The following CNTNAP5 variants were observed in gnomAD, a reference collection of about 807,000 sequenced individuals.
CNTNAP5 encodes contactin-associated protein-like 5.
A neutral mutation model predicts 150.2 loss-of-function variants in CNTNAP5; 72 were observed. That is an observed-to-expected ratio of 0.48 (90% CI 0.40 to 0.58). The LOEUF (loss-of-function observed/expected upper bound fraction) is 0.58, where lower values mean the gene tolerates loss of function less well. Ranked by LOEUF, CNTNAP5 falls within the 20% of genes least tolerant of loss-of-function variation. CNTNAP5 has a pLI of 0.00. For synonymous variants in CNTNAP5, 672 were observed against 619.8 expected (o/e 1.08, Z -1.25); for missense variants, 1,636 against 1,626.2 (o/e 1.01, Z -0.10).
intron 1 of CNTNAP5, among the ~76,000 whole-genome samples, chr2:124,085,691 T>C (rs934369634): frequency 5.3e-5 from 8 of 152,220 alleles, no homozygotes; most frequent in African/African-American, 1.9e-4. Flanking sequence ...CAAATTTTAA[T>C]AGGTTGTATC....
chr2:124,518,030 G>A (rs1378944870), intron 8 of CNTNAP5, among the ~76,000 whole-genome samples: 1 of 151,924 alleles, frequency 6.6e-6, no homozygotes, highest in Admixed American at 6.6e-5. Flanking sequence ...CAGGCGTGCT[G>A]CTACACATCT....
chr2:124,871,748 G>A (rs1677753321), intron 21 of CNTNAP5, among the ~76,000 whole-genome samples: 1 of 151,884 alleles, frequency 6.6e-6, no homozygotes, highest in Non-Finnish European at 1.5e-5. Context: ...TTTCTTTGAT[G>A]TTTTGCAGTT....
At chr2:124,718,943 TA>T (rs35290858) in intron 13 of CNTNAP5, among the ~76,000 whole-genome samples, 2,554 of 138,222 alleles carry the variant, frequency 0.018, 43 homozygotes, top group African/African-American at 0.046. Flanking sequence ...AGACTCCATC[TA>T]AAAAAAAAAA....
At position 124,242,384 on chromosome 2, in the gene CNTNAP5, C is replaced by A; in HGVS notation, c.372C>A (p.Asp124Glu). The change falls in exon 3 of 24, where the codon GAC becomes GAA. Residue 124 changes from aspartate to glutamate, a missense_variant. By Grantham distance (45) the Asp-to-Glu change is conservative. Transcript: ENST00000682447. The part of the protein sequence containing the change: ...GRNWKQYKQE[D>E]SIWTFAGNMN... ...ACTGGAAACAGTACAAACAAGAAGA[C>A]AGCATCTGGGTAGGACATCTTTTTC... 1.2e-6 allele frequency: 2 copies of A among 1,612,644 alleles called. No homozygotes were observed. Among genetic ancestry groups the A allele is most frequent in the Non-Finnish European group, 1.7e-6 (2 of 1,179,310 alleles).
chr2:124,051,349 T>C (rs1681690493), intron 1 of CNTNAP5, among the ~76,000 whole-genome samples: 1 of 152,230 alleles, frequency 6.6e-6, no homozygotes, highest in Non-Finnish European at 1.5e-5. Context: ...TGAGAAGGTC[T>C]GCACTTGTTT....
rs997543721 is a variant in CNTNAP5 at position 124,451,444 on chromosome 2, A to T, written c.918+4507A>T. On this transcript the variant is annotated intron_variant, in intron 6 of 23. Coordinates refer to ENST00000682447, the MANE Select transcript of CNTNAP5 (RefSeq NM_001367498.1). ...TTTCGTCTATGTAAAATTTTTTAAA[A>T]CCATGTGACTGTTCACCAAAAAAAT... Among the ~76,000 whole-genome samples the T allele has an allele frequency of 1.5e-4, 23 of 152,034 alleles. 1 individual carries two copies. Among genetic ancestry groups the T allele is most frequent in the African/African-American group, 4.8e-4 (20 of 41,358 alleles).
At chr2:124,174,192 G>C (rs542759467) in intron 1 of CNTNAP5, among the ~76,000 whole-genome samples, 1 of 151,714 alleles carries the variant, frequency 6.6e-6, no homozygotes, top group African/African-American at 2.4e-5. Context: ...TGATAAAAAT[G>C]TTCAAGGAAG....
chr2:124,846,025 G>A lies in CNTNAP5; in HGVS notation c.3218-19281G>A, dbSNP rs967574956. On this transcript the variant is annotated intron_variant, in intron 19 of 23. Transcript: ENST00000682447. ...TTCATTCAGTTCTACTCTGATCTTT[G>A]TTATTTCTTTTCTTCTGCTGGCTTT... Among the ~76,000 whole-genome samples the A allele has an allele frequency of 2.0e-5, 3 of 150,376 alleles. No individual in the cohort carries two copies. The South Asian group carries it at 6.3e-4, about 32-fold the overall frequency.
intron 3 of CNTNAP5, among the ~76,000 whole-genome samples, chr2:124,383,594 A>G (rs1334079006): frequency 6.6e-6 from 1 of 152,176 alleles, no homozygotes; most frequent in Non-Finnish European, 1.5e-5. Context: ...AACTTGAACT[A>G]CAAGTAAACT....
At chr2:124,169,637 A>G (rs1363021404) in intron 1 of CNTNAP5, among the ~76,000 whole-genome samples, 3 of 152,078 alleles carry the variant, frequency 2.0e-5, no homozygotes, top group Non-Finnish European at 4.4e-5. Context: ...AGATTGAAGA[A>G]CCCTATCCTG....
At chr2:124,355,668 T>G (rs1689980263) in intron 3 of CNTNAP5, among the ~76,000 whole-genome samples, 1 of 152,126 alleles carries the variant, frequency 6.6e-6, no homozygotes, top group African/African-American at 2.4e-5. Context: ...CTTTCAGGAG[T>G]GAGCTCAAAG....
chr2:124,646,732 A>G (rs1054613138), intron 12 of CNTNAP5, among the ~76,000 whole-genome samples: 1 of 152,176 alleles, frequency 6.6e-6, no homozygotes, highest in African/African-American at 2.4e-5. Context: ...TTTCCATATT[A>G]CCAGTGCTAC....
At chr2:124,620,772 C>A (rs62171271) in intron 12 of CNTNAP5, among the ~76,000 whole-genome samples, 4 of 139,368 alleles carry the variant, frequency 2.9e-5, no homozygotes, top group African/African-American at 1.0e-4. Flanking sequence ...CACACACACA[C>A]ACATATATAT....
intron 13 of CNTNAP5, among the ~76,000 whole-genome samples, chr2:124,724,347 C>A (rs1461927069): frequency 6.6e-6 from 1 of 151,788 alleles, no homozygotes; most frequent in Non-Finnish European, 1.5e-5. Context: ...AGGTGAAGGA[C>A]CATGGAGGTT....
chr2:124,338,021 T>C (rs1573925471), intron 3 of CNTNAP5, among the ~76,000 whole-genome samples: 1 of 152,210 alleles, frequency 6.6e-6, no homozygotes, highest in East Asian at 1.9e-4. Context: ...TTCCATTTGT[T>C]TGTATCCTCT....
chr2:124,071,158 A>G (rs1682293861), intron 1 of CNTNAP5, among the ~76,000 whole-genome samples: 1 of 151,978 alleles, frequency 6.6e-6, no homozygotes, highest in Admixed American at 6.6e-5. Context: ...TAATGAATAC[A>G]CAGCATATCA....
chr2:124,419,075 A>G (rs1473889090), intron 4 of CNTNAP5, among the ~76,000 whole-genome samples: 1 of 133,996 alleles, frequency 7.5e-6, no homozygotes, highest in African/African-American at 2.7e-5. Flanking sequence ...CGGAGCTTGC[A>G]GTGAGCCGAG....
At chr2:124,904,697 C>T (rs910262953) in intron 22 of CNTNAP5, among the ~76,000 whole-genome samples, 13 of 152,072 alleles carry the variant, frequency 8.5e-5, no homozygotes, top group African/African-American at 2.7e-4. Flanking sequence ...AGAATTGGAC[C>T]TTTATCTTAT....
chr2:124,274,143 CTTTG>C (rs1337905151), intron 3 of CNTNAP5, among the ~76,000 whole-genome samples: 2 of 151,744 alleles, frequency 1.3e-5, no homozygotes, highest in Admixed American at 1.3e-4. Context: ...TTTTGTTTTG[CTTTG>C]TTTTTGTATT....
Sources: gnomAD v4.1 joint callset for allele counts (sites outside exome capture counted in the v4.1 genomes callset) on GRCh38, gnomAD v4.1.1 for gene constraint, MANE v1.5 for transcripts, NCBI Gene and HGNC (gene_info 2026-07-23, HGNC 2026-07-21) for gene names.